Variants in GPHN observed in about 807,000 individuals in gnomAD.
The protein encoded by GPHN is gephyrin.
GPHN carries 17 observed loss-of-function variants against 95.5 expected under a neutral mutation model. That is an observed-to-expected ratio of 0.18 (90% CI 0.12 to 0.27). The LOEUF (loss-of-function observed/expected upper bound fraction) is 0.27. Ranked by LOEUF, GPHN falls within the 10% of genes least tolerant of loss-of-function variation. The probability of loss-of-function intolerance (pLI) is 1.00; values close to 1 mark genes in which losing one functional copy is unlikely to be tolerated. For synonymous variants in GPHN, 320 were observed against 322.5 expected (o/e 0.99, Z 0.08); for missense variants, 660 against 978.1 (o/e 0.67, Z 4.34).
chr14:66,975,711 C>T (rs1002208853), intron 9 of GPHN, among the ~76,000 whole-genome samples: 3 of 150,096 alleles, frequency 2.0e-5, no homozygotes, highest in African/African-American at 7.4e-5. Context: ...GAGACCCTGT[C>T]TCTACAAAAA....
intron 1 of GPHN, among the ~76,000 whole-genome samples, chr14:66,665,206 T>G (rs2065882101): frequency 6.6e-6 from 1 of 152,164 alleles, no homozygotes; most frequent in South Asian, 2.1e-4. Flanking sequence ...GCCAATATCC[T>G]TGATGAATAC....
the GPHN span, among the ~76,000 whole-genome samples, chr14:67,697,239 AG>A: frequency 0.013 from 1,938 of 152,288 alleles, 53 homozygotes; most frequent in African/African-American, 0.044. Context: ...GAAGGTTATG[AG>A]GAGGATTAGA....
At chr14:67,448,292 C>T in the GPHN span, among the ~76,000 whole-genome samples, 1 of 151,654 alleles carries the variant, frequency 6.6e-6, no homozygotes, top group Non-Finnish European at 1.5e-5. Flanking sequence ...GTGTGTGCCA[C>T]CATGCCTGGC....
At chr14:66,751,686 T>G (rs918286012) in intron 2 of GPHN, among the ~76,000 whole-genome samples, 1 of 152,100 alleles carries the variant, frequency 6.6e-6, no homozygotes, top group East Asian at 1.9e-4. Context: ...GCAGAAACTC[T>G]CCATTTGTAG....
At chr14:67,336,639 A>C in the GPHN span, 1 of 443,146 alleles carries the variant, frequency 2.3e-6, no homozygotes, top group Admixed American at 2.5e-5. Context: ...AATTAAATCA[A>C]ATCATACTTG....
At chr14:67,344,908 A>C in the GPHN span, among the ~76,000 whole-genome samples, 5 of 151,410 alleles carry the variant, frequency 3.3e-5, no homozygotes, top group Non-Finnish European at 5.9e-5. Context: ...AACAAACAAA[A>C]AAAACAAGAG....
intron 17 of GPHN, 118 bp downstream of exon 17, chr14:67,122,495 T>C (rs1040993748): frequency 3.5e-6 from 3 of 854,374 alleles, no homozygotes; most frequent in African/African-American, 1.7e-5. Context: ...TTTTCACTTA[T>C]CTCATTCTTC....
At chr14:66,812,359 A>G (rs181698528) in intron 3 of GPHN, among the ~76,000 whole-genome samples, 19 of 152,374 alleles carry the variant, frequency 1.2e-4, no homozygotes, top group African/African-American at 3.1e-4. Flanking sequence ...TCTATTCAAC[A>G]TATCACTCAG....
chr14:67,247,367 C>T, the GPHN span, among the ~76,000 whole-genome samples: 3 of 152,116 alleles, frequency 2.0e-5, no homozygotes, highest in Non-Finnish European at 4.4e-5. Flanking sequence ...ACTTTGTATC[C>T]TGACTTTCTG....
chr14:67,691,227 C>T, the GPHN span: 52 of 1,613,754 alleles, frequency 3.2e-5, no homozygotes, highest in Non-Finnish European at 4.2e-5. Context: ...TTGATCAAAA[C>T]GTGGAGGTGC....
At chr14:67,583,385 T>C in the GPHN span, among the ~76,000 whole-genome samples, 1 of 152,194 alleles carries the variant, frequency 6.6e-6, no homozygotes, top group South Asian at 2.1e-4. Context: ...CACTCTGCTG[T>C]ACTCTAGGAT....
the GPHN span, among the ~76,000 whole-genome samples, chr14:67,326,246 T>G: frequency 8.2e-6 from 1 of 121,312 alleles, no homozygotes. Flanking sequence ...TTTTTTTTTT[T>G]TTTTTTTTTT....
At chr14:67,046,130 C>T (rs565867102) in intron 10 of GPHN, among the ~76,000 whole-genome samples, 142 of 151,422 alleles carry the variant, frequency 9.4e-4, no homozygotes, top group African/African-American at 3.2e-3. Flanking sequence ...AGTATATATT[C>T]ATAAATTCTT....
intron 6 of GPHN, 83 bp downstream of exon 6, chr14:66,916,152 C>A: frequency 1.2e-6 from 1 of 811,982 alleles, no homozygotes; most frequent in Non-Finnish European, 2.2e-6. Flanking sequence ...AGTTGGAGCA[C>A]TCCACAAGAC....
chr14:67,731,210 T>TC, the GPHN span, among the ~76,000 whole-genome samples: 1 of 106,860 alleles, frequency 9.4e-6, no homozygotes, highest in Non-Finnish European at 2.0e-5. Flanking sequence ...TTTCTTTCTT[T>TC]TTTTTTTTTT....
At chr14:67,226,835 A>G in the GPHN span, among the ~76,000 whole-genome samples, 1 of 152,160 alleles carries the variant, frequency 6.6e-6, no homozygotes. Context: ...TTCCCCCTTA[A>G]GAATGCTCCT....
At chr14:67,178,338 A>T (rs1253624059) in intron 21 of GPHN, among the ~76,000 whole-genome samples, 1 of 152,216 alleles carries the variant, frequency 6.6e-6, no homozygotes, top group Admixed American at 6.5e-5. Flanking sequence ...TTGGCTGGAT[A>T]TGAAATTCTG....
intron 9 of GPHN, among the ~76,000 whole-genome samples, chr14:67,000,808 T>C (rs1470587077): frequency 6.6e-6 from 1 of 151,654 alleles, no homozygotes; most frequent in Non-Finnish European, 1.5e-5. Flanking sequence ...GGAAAACACA[T>C]TACATTCTGT....
the GPHN span, chr14:67,312,698 G>A: frequency 1.7e-5 from 27 of 1,605,846 alleles, no homozygotes; most frequent in Non-Finnish European, 2.0e-5. Flanking sequence ...ACCTCTAGCC[G>A]GGCTTGTTCC....
Sources: allele counts gnomAD v4.1 joint callset (sites outside exome capture counted in the v4.1 genomes callset), GRCh38; gene constraint gnomAD v4.1.1; transcripts MANE v1.5; gene names NCBI Gene and HGNC (gene_info 2026-07-23, HGNC 2026-07-21).